SORL1: variants seen among roughly 807,000 people sequenced by gnomAD.
SORL1 encodes the protein sortilin-related receptor.
Under a neutral mutation model 273.7 loss-of-function variants are expected in SORL1, and 127 were observed. The ratio of observed to expected loss-of-function variants is 0.46; its 90% CI spans 0.40 to 0.54. The LOEUF (loss-of-function observed/expected upper bound fraction) is 0.54, where lower values mean the gene tolerates loss of function less well. Among genes scored for constraint, SORL1 ranks in the 20% least tolerant of loss-of-function variants. The pLI, the probability that SORL1 is intolerant of heterozygous loss-of-function variation, is 0.00. For missense variants in SORL1, 2,494 were observed against 2,846.1 expected, an observed-to-expected ratio of 0.88 and a Z score of 2.81; for synonymous variants, 1,031 against 1,067.4, an observed-to-expected ratio of 0.97 and a Z score of 0.66.
intron 6 of SORL1, among the ~76,000 whole-genome samples, chr11:121,509,342 T>C (rs1480567827): frequency 6.6e-6 from 1 of 152,188 alleles, no homozygotes; most frequent in Non-Finnish European, 1.5e-5. Flanking sequence ...GGCCTTTACT[T>C]GATAAGAATG....
chr11:121,557,199 TA>T, intron 18 of SORL1, 114 bp from the exon 19 acceptor site: 1 of 786,736 alleles, frequency 1.3e-6, no homozygotes, highest in Non-Finnish European at 2.3e-6. Flanking sequence ...GTCAGGGAAA[TA>T]GGCAGGCATG....
At chr11:121,603,952 A>T (rs952531987) in intron 32 of SORL1, among the ~76,000 whole-genome samples, 8 of 152,206 alleles carry the variant, frequency 5.3e-5, no homozygotes, top group Non-Finnish European at 1.2e-4. Context: ...CAGATCTAGG[A>T]TTTAAACTCT....
intron 6 of SORL1, among the ~76,000 whole-genome samples, chr11:121,498,502 G>C (rs1361272667): frequency 3.9e-5 from 6 of 152,096 alleles, no homozygotes; most frequent in Non-Finnish European, 5.9e-5. Context: ...CTTTTTGCTT[G>C]AACCAGGGCA....
In SORL1 at chr11:121,627,467, T is replaced by A; in HGVS notation, c.6365-88T>A. The A allele has an allele frequency of 4.6e-6, 5 of 1,092,284 alleles. No individual in the cohort carries two copies. 67.7% of individuals were successfully genotyped at this position (1,092,284 alleles called of 1,614,324 possible). On this transcript the variant is annotated intron_variant, in intron 46 of 47. Transcript: ENST00000260197. This position sits in a 1 kb window ranked among gnomAD's most constrained non-coding sequence, Gnocchi z 4.9. The stretch of plus-strand genomic sequence containing the variant: ...TGTGTAGCTGTGGCTATCGCCCAGC[T>A]TTTTTTGGTGGGTGGGGCCTTGAGG...
Position 121,577,372 on chromosome 11 carries a change from G to A in SORL1, c.3552G>A (p.Arg1184=). 1.2e-6 allele frequency: 2 copies of A among 1,612,146 alleles called. No homozygotes were observed. The highest frequency in any genetic ancestry group is 1.7e-6 in the Non-Finnish European group (2 of 1,179,084). Residue 1184 remains arginine (R), a synonymous_variant, in exon 25 of 48, where the codon AGG becomes AGA. Coordinates refer to ENST00000260197, the MANE Select transcript of SORL1 (RefSeq NM_003105.6). ...TATGTGACGGGGACAACGACTGCAGGGACTGGTCTGATGAAGCCAACTGTA... is the reference window on the plus strand; with the variant it reads ...TATGTGACGGGGACAACGACTGCAGAGACTGGTCTGATGAAGCCAACTGTA... ...SWVCDGDNDC[R]DWSDEANCTA...
chr11:121,629,943 C>G lies in SORL1; in HGVS notation c.*380C>G, dbSNP rs536439200. ...CTCGAGAGAGTGATGGGTGGAACCCCTTCTCCTTGAAAGTGTGTACAGATA... is the reference window on the plus strand; with the variant it reads ...CTCGAGAGAGTGATGGGTGGAACCCGTTCTCCTTGAAAGTGTGTACAGATA... On this transcript the variant is annotated 3_prime_UTR_variant, in exon 48 of 48. Transcript: ENST00000260197. The G allele has an allele frequency of 5.5e-5, 12 of 217,316 alleles. No individual in the cohort carries two copies. The South Asian group carries it at 7.9e-4, about 14-fold the overall frequency. 13.5% of individuals were successfully genotyped at this position (217,316 alleles called of 1,614,324 possible).
At chr11:121,558,070 A>G (rs11218339) in intron 19 of SORL1, among the ~76,000 whole-genome samples, 1,537 of 152,320 alleles carry the variant, frequency 0.01, 37 homozygotes, top group East Asian at 0.051. Flanking sequence ...CACACTTCCT[A>G]GTGGTAATCA....
chr11:121,618,691 C>G (rs1209635353), intron 41 of SORL1, 83 bp from the exon 42 acceptor site: 8 of 1,544,388 alleles, frequency 5.2e-6, no homozygotes, highest in Non-Finnish European at 5.3e-6. Flanking sequence ...GAAGCAGTTC[C>G]AGGGTCTTAA....
At chr11:121,564,563 T>A (rs1862725771) in intron 21 of SORL1, among the ~76,000 whole-genome samples, 1 of 152,162 alleles carries the variant, frequency 6.6e-6, no homozygotes, top group Non-Finnish European at 1.5e-5. Flanking sequence ...TAGTTTTTTT[T>A]ATTTGTTCGT....
At chr11:121,601,869 G>A (rs7108384) in intron 32 of SORL1, among the ~76,000 whole-genome samples, 16,367 of 152,126 alleles carry the variant, frequency 0.11, 1,811 homozygotes, top group African/African-American at 0.29. Context: ...TGTGATGGGG[G>A]TTTTGGTATT....
chr11:121,551,611 T>G (rs991081483), intron 16 of SORL1, among the ~76,000 whole-genome samples: 1 of 152,186 alleles, frequency 6.6e-6, no homozygotes. Context: ...ATGGCTGGAG[T>G]TAACTTCCGT....
At chr11:121,569,696 CT>C (rs1398972165) in intron 22 of SORL1, among the ~76,000 whole-genome samples, 1 of 152,212 alleles carries the variant, frequency 6.6e-6, no homozygotes, top group East Asian at 1.9e-4. Flanking sequence ...GTGCCCAAAA[CT>C]TCATTAGCAA....
intron 41 of SORL1, among the ~76,000 whole-genome samples, 159 bp from the exon 42 acceptor site, chr11:121,618,615 G>A (rs1863673387): frequency 6.6e-6 from 1 of 152,186 alleles, no homozygotes; most frequent in Non-Finnish European, 1.5e-5. Context: ...CCTGGCCCAA[G>A]TGCCTTCTCT....
intron 40 of SORL1, 28 bp from the exon 41 acceptor site, chr11:121,614,843 C>A (rs757344221): frequency 6.2e-7 from 1 of 1,602,674 alleles, no homozygotes; most frequent in African/African-American, 1.3e-5. Flanking sequence ...CAACTTCCTC[C>A]TGGAATCTCC....
chr11:121,567,084 A>G lies in SORL1; in HGVS notation c.3194A>G (p.Gln1065Arg), dbSNP rs778117874. The change falls in exon 22 of 48, where the codon CAG becomes CGG. Residue 1065 changes from glutamine (Q) to arginine (R), a missense_variant. By Grantham distance (43) the Gln-to-Arg change is conservative (BLOSUM62 1). Coordinates refer to ENST00000260197, the MANE Select transcript of SORL1 (RefSeq NM_003105.6). Reference sequence around the variant, plus strand: ...ATGTGTGACTGCCCTCAGGGCTATCAGCTCAAGAACAATACCTGTGTCAAA... The same window carrying G: ...ATGTGTGACTGCCCTCAGGGCTATCGGCTCAAGAACAATACCTGTGTCAAA... Reference protein sequence around the residue: ...DLMCDCPQGYQLKNNTCVKQE... With the variant: ...DLMCDCPQGYRLKNNTCVKQE... The G allele has an allele frequency of 1.2e-6, 2 of 1,614,102 alleles. No individual in the cohort carries two copies. Among genetic ancestry groups the G allele is most frequent in the Admixed American group, 3.3e-5 (2 of 60,008 alleles).
intron 38 of SORL1, chr11:121,608,975 C>T (rs559595914): frequency 6.6e-6 from 1 of 152,232 alleles, no homozygotes; most frequent in East Asian, 1.9e-4. Flanking sequence ...TTTTTCTCTA[C>T]TCTATCACGG....
At chr11:121,532,641 C>T (rs1012100606) in intron 12 of SORL1, 89 bp downstream of exon 12, 2 of 1,060,700 alleles carry the variant, frequency 1.9e-6, no homozygotes, top group African/African-American at 3.1e-5. Context: ...CTCTATAGCA[C>T]TATGTTGTTG....
chr11:121,588,499 T>A (rs1018620996), intron 28 of SORL1, among the ~76,000 whole-genome samples: 2 of 152,190 alleles, frequency 1.3e-5, no homozygotes, highest in African/African-American at 4.8e-5. Flanking sequence ...ACTCCCAGCG[T>A]GCCGTAGCCC....
chr11:121,567,533 C>T (rs951010001), intron 22 of SORL1, among the ~76,000 whole-genome samples: 1 of 152,174 alleles, frequency 6.6e-6, no homozygotes, highest in Non-Finnish European at 1.5e-5. Flanking sequence ...ACTCCTTCCG[C>T]GTTTACTCTC....
Sources: allele counts gnomAD v4.1 joint callset (sites outside exome capture counted in the v4.1 genomes callset), GRCh38; gene constraint gnomAD v4.1.1; non-coding constraint Gnocchi (gnomAD v3.1); transcripts MANE v1.5; gene names NCBI Gene and HGNC (gene_info 2026-07-23, HGNC 2026-07-21).